ANKRD55: variants seen among roughly 807,000 people sequenced by gnomAD.
ANKRD55 encodes ankyrin repeat domain-containing protein 55.
Under a neutral mutation model 60.6 loss-of-function variants are expected in ANKRD55, and 41 were observed. That is an observed-to-expected ratio of 0.68 (90% confidence interval 0.53 to 0.88). The LOEUF is 0.88. ANKRD55 is among the 40% of genes least tolerant of loss of function. The probability of loss-of-function intolerance (pLI) is 0.00; values close to 1 mark genes in which losing one functional copy is unlikely to be tolerated. For synonymous variants in ANKRD55, 264 were observed against 290.3 expected (o/e 0.91, Z 0.92); for missense variants, 732 against 767.6 (o/e 0.95, Z 0.55).
chr5:56,159,393 G>A (rs551416399), intron 6 of ANKRD55, among the ~76,000 whole-genome samples: 7 of 152,028 alleles, frequency 4.6e-5, no homozygotes, highest in East Asian at 1.9e-4. Flanking sequence ...TCTGGGAGGC[G>A]GGGGTTGCGG....
chr5:56,195,954 T>C (rs548589446), intron 2 of ANKRD55, among the ~76,000 whole-genome samples: 1 of 152,296 alleles, frequency 6.6e-6, no homozygotes, highest in Non-Finnish European at 1.5e-5. Context: ...CTCTTTACCA[T>C]AGTGTGGACA....
intron 6 of ANKRD55, among the ~76,000 whole-genome samples, chr5:56,149,218 A>T (rs541459041): frequency 6.6e-6 from 1 of 152,302 alleles, no homozygotes; most frequent in East Asian, 1.9e-4. Context: ...CTGAGTAGAT[A>T]GACGGTGAGC....
At chr5:56,188,250 G>C (rs1759019521) in intron 2 of ANKRD55, among the ~76,000 whole-genome samples, 1 of 151,954 alleles carries the variant, frequency 6.6e-6, no homozygotes. Flanking sequence ...GAACAATACT[G>C]TTGCTTTATT....
chr5:56,123,403 G>A (rs998202342), intron 8 of ANKRD55, among the ~76,000 whole-genome samples: 1 of 152,126 alleles, frequency 6.6e-6, no homozygotes, highest in African/African-American at 2.4e-5. Context: ...TTCCTGTTAT[G>A]CTAGAAGCAG....
chr5:56,115,569 G>C (rs756306884), intron 9 of ANKRD55, among the ~76,000 whole-genome samples: 2 of 151,770 alleles, frequency 1.3e-5, no homozygotes, highest in African/African-American at 2.4e-5. Flanking sequence ...TGATCTACCC[G>C]CCTCAACTTC....
intron 7 of ANKRD55, chr5:56,127,400 C>T: frequency 1.0e-6 from 1 of 980,956 alleles, no homozygotes; most frequent in Non-Finnish European, 1.2e-6. Context: ...GTGCAATGGA[C>T]TGACGTCAGA....
chr5:56,136,208 A>G (rs1757593820), intron 7 of ANKRD55, among the ~76,000 whole-genome samples: 1 of 152,226 alleles, frequency 6.6e-6, no homozygotes, highest in South Asian at 2.1e-4. Context: ...TATAGATTCA[A>G]TATAGTCCCT....
At chr5:56,110,992 C>A (rs544135493) in intron 10 of ANKRD55, 126 bp downstream of exon 10, 4 of 1,155,160 alleles carry the variant, frequency 3.5e-6, no homozygotes, top group Non-Finnish European at 4.9e-6. Flanking sequence ...AAAGGTGGCT[C>A]TAATCACTCA....
intron 2 of ANKRD55, among the ~76,000 whole-genome samples, chr5:56,231,811 C>T (rs1228799431): frequency 6.6e-6 from 1 of 152,044 alleles, no homozygotes; most frequent in African/African-American, 2.4e-5. Context: ...GGAGAAACCC[C>T]CTGGGCTAAA....
At chr5:56,177,785 C>A (rs1279727834) in intron 3 of ANKRD55, among the ~76,000 whole-genome samples, 6 of 151,294 alleles carry the variant, frequency 4.0e-5, no homozygotes, top group Admixed American at 1.3e-4. Context: ...AAAAAAAAAA[C>A]ACACACACAA....
chr5:56,140,106 A>T (rs1278422436), intron 7 of ANKRD55, among the ~76,000 whole-genome samples: 1 of 152,180 alleles, frequency 6.6e-6, no homozygotes, highest in East Asian at 1.9e-4. Flanking sequence ...TTTAAATGTG[A>T]TCTCATTATA....
rs1757832589 is a variant in ANKRD55 at position 56,143,871 on chromosome 5, A to G, written c.542T>C (p.Leu181Pro). The change falls in exon 7 of 12, where the codon CTG becomes CCG. Residue 181 changes from leucine to proline, a missense_variant. This residue lies in a region of ANKRD55 where 597 missense variants were observed against 607.5 expected (regional missense o/e 0.98). Transcript: ENST00000341048. ...GGTGGGGTCTGCCCCCTTCTTCAGC[A>G]GCATTTGTGTGTGTTGAGGCTGGTT... ...FHNQPQHTQM[L>P]LKKGADPTLV... 2.5e-6 allele frequency: 4 copies of G among 1,614,176 alleles called. No homozygotes were observed. The highest frequency in any genetic ancestry group is 3.4e-6 in the Non-Finnish European group (4 of 1,180,024).
chr5:56,201,612 A>G (rs1182350556), intron 2 of ANKRD55, among the ~76,000 whole-genome samples: 1 of 152,174 alleles, frequency 6.6e-6, no homozygotes, highest in East Asian at 1.9e-4. Flanking sequence ...TCACTTGCCA[A>G]ATGGATAAGA....
intron 2 of ANKRD55, among the ~76,000 whole-genome samples, chr5:56,209,666 T>C (rs1272920921): frequency 1.3e-5 from 2 of 151,850 alleles, no homozygotes; most frequent in East Asian, 1.9e-4. Context: ...GCAGTTTCAC[T>C]GTGTTAGCCA....
Position 56,111,263 on chromosome 5 carries a change from C to G in ANKRD55, c.1485G>C (p.Lys495Asn), listed in dbSNP as rs1230690512. 1 of 1,614,022 alleles carries G rather than the reference C, an allele frequency of 6.2e-7. No homozygotes were observed. Among genetic ancestry groups the G allele is most frequent in the Non-Finnish European group, 8.5e-7 (1 of 1,180,018 alleles). The change falls in exon 10 of 12, where the codon AAG becomes AAC. Residue 495 changes from lysine (K) to asparagine (N), a missense_variant. Physicochemically the swap from Lys to Asn is moderately conservative, Grantham distance 94. Transcript: ENST00000341048. The stretch of plus-strand genomic sequence containing the variant: ...AGGAAAATACCTGATTAGAATCACT[C>G]TTCCAGGGGTTATCTAGTAACATCT... ...GCQMLLDNPW[K>N]SDSNQVFSYK...
At chr5:56,140,415 C>T (rs1356454220) in intron 7 of ANKRD55, among the ~76,000 whole-genome samples, 1 of 152,154 alleles carries the variant, frequency 6.6e-6, no homozygotes, top group African/African-American at 2.4e-5. Flanking sequence ...AGTCACTGTT[C>T]CTCATTGAGG....
At chr5:56,133,012 G>A (rs1178548025) in intron 7 of ANKRD55, among the ~76,000 whole-genome samples, 1 of 152,188 alleles carries the variant, frequency 6.6e-6, no homozygotes, top group Non-Finnish European at 1.5e-5. Flanking sequence ...CTCAAAATAT[G>A]CGAGGCAAAA....
chr5:56,157,523 G>A (rs534140971), intron 6 of ANKRD55, among the ~76,000 whole-genome samples: 1 of 152,302 alleles, frequency 6.6e-6, no homozygotes, highest in South Asian at 2.1e-4. Flanking sequence ...GGAATGTCTT[G>A]GTGTAAAACC....
chr5:56,202,103 A>G (rs1464744539), intron 2 of ANKRD55, among the ~76,000 whole-genome samples: 1 of 152,206 alleles, frequency 6.6e-6, no homozygotes, highest in Non-Finnish European at 1.5e-5. Context: ...ATGAGAACAC[A>G]TGGACACATG....
Sources: allele counts gnomAD v4.1 joint callset (sites outside exome capture counted in the v4.1 genomes callset), GRCh38; gene constraint gnomAD v4.1.1; regional missense constraint gnomAD v4.1.1; transcripts MANE v1.5; gene names NCBI Gene and HGNC (gene_info 2026-07-23, HGNC 2026-07-21).